The following ADGRL3 variants were observed in gnomAD, a reference collection of about 807,000 sequenced individuals.
ADGRL3 encodes calcium-independent alpha-latrotoxin receptor 3.
Under a neutral mutation model 153.5 loss-of-function variants are expected in ADGRL3, and 62 were observed. The observed-to-expected ratio is 0.40, with a 90% confidence interval of 0.33 to 0.50. The LOEUF is 0.50. Among genes scored for constraint, ADGRL3 ranks in the 20% least tolerant of loss-of-function variants. The pLI, the probability that ADGRL3 is intolerant of heterozygous loss-of-function variation, is 0.47. For synonymous variants in ADGRL3, 710 were observed against 672.5 expected (o/e 1.06, Z -0.86); for missense variants, 1,641 against 1,859.4 (o/e 0.88, Z 2.16).
intron 9 of ADGRL3, among the ~76,000 whole-genome samples, chr4:61,885,217 T>A (rs2098531337): frequency 6.6e-6 from 1 of 151,936 alleles, no homozygotes; most frequent in East Asian, 2.0e-4. Flanking sequence ...TAATCCCAGC[T>A]ACTCAGCAGC....
At chr4:61,610,888 C>T (rs774833565) in intron 5 of ADGRL3, among the ~76,000 whole-genome samples, 7 of 151,376 alleles carry the variant, frequency 4.6e-5, no homozygotes, top group Non-Finnish European at 7.4e-5. Flanking sequence ...TGCATATAAT[C>T]AGCATTAGCA....
At chr4:61,541,346 ATTTTTTTTTTTTT>A (rs3075146) in intron 4 of ADGRL3, among the ~76,000 whole-genome samples, 1 of 103,338 alleles carries the variant, frequency 9.7e-6, no homozygotes, top group Admixed American at 1.1e-4. Context: ...TCTGGTAGAG[ATTTTTTTTTTTTT>A]TTTTTTTTTT....
At chr4:61,471,349 G>T (rs986501033) in intron 2 of ADGRL3, among the ~76,000 whole-genome samples, 1 of 151,208 alleles carries the variant, frequency 6.6e-6, no homozygotes, top group African/African-American at 2.4e-5. Context: ...TTTATTTTTT[G>T]ATAAGTATTA....
chr4:61,433,051 G>A (rs941023361), intron 2 of ADGRL3, among the ~76,000 whole-genome samples: 1 of 151,914 alleles, frequency 6.6e-6, no homozygotes, highest in African/African-American at 2.4e-5. Context: ...CATTCCAGTG[G>A]CCCCTGGGCA....
At chr4:61,703,777 A>G (rs574622978) in intron 6 of ADGRL3, among the ~76,000 whole-genome samples, 4 of 152,198 alleles carry the variant, frequency 2.6e-5, no homozygotes, top group East Asian at 1.9e-4. Context: ...CTATGTCTCT[A>G]TTCTCCAGCA....
intron 17 of ADGRL3, among the ~76,000 whole-genome samples, chr4:61,968,199 C>T (rs1171369510): frequency 2.6e-5 from 4 of 152,126 alleles, no homozygotes; most frequent in South Asian, 2.1e-4. Flanking sequence ...TTAGTAAATA[C>T]GTGAGAAATT....
intron 4 of ADGRL3, among the ~76,000 whole-genome samples, chr4:61,552,053 C>T (rs986469010): frequency 1.3e-5 from 2 of 152,054 alleles, no homozygotes; most frequent in African/African-American, 4.8e-5. Flanking sequence ...TATAACAATA[C>T]CAATTTAGGG....
At chr4:62,024,966 T>C (rs1374235195) in intron 21 of ADGRL3, among the ~76,000 whole-genome samples, 1 of 151,852 alleles carries the variant, frequency 6.6e-6, no homozygotes, top group Non-Finnish European at 1.5e-5. Flanking sequence ...ATGCCTTTTA[T>C]TTTTATTCTT....
At chr4:62,025,326 A>G (rs113612947) in intron 21 of ADGRL3, among the ~76,000 whole-genome samples, 1 of 152,286 alleles carries the variant, frequency 6.6e-6, no homozygotes, top group African/African-American at 2.4e-5. Context: ...TTCTTCCTCC[A>G]CTGCCTGCTA....
In ADGRL3 at chr4:61,813,869, T is replaced by G; in HGVS notation, c.1460T>G (p.Leu487Arg). Residue 487 changes from leucine to arginine, a missense_variant, in exon 9 of 27, where the codon CTA becomes CGA. Leu to Arg is a moderately radical substitution (Grantham distance 102). Transcript: ENST00000683033. ...ISPPIHLDSE[L>R]ERPSVKDIST... is the part of the protein sequence containing the mutation. ...CCGCCAATTCACCTTGACTCTGAGC[T>G]AGAAAGACCCTCTGTTAAAGGTGAG... 1 of 1,587,912 alleles carries G rather than the reference T, an allele frequency of 6.3e-7. No individual in the cohort carries two copies. The highest frequency in any genetic ancestry group is 8.6e-7 in the Non-Finnish European group (1 of 1,156,318).
intron 1 of ADGRL3, among the ~76,000 whole-genome samples, chr4:61,217,855 A>T: frequency 1.3e-5 from 2 of 152,288 alleles, no homozygotes; most frequent in South Asian, 4.1e-4. Context: ...ACGCTGTAGA[A>T]ATAGAGGAGC....
At chr4:61,667,628 T>C (rs1580181313) in intron 5 of ADGRL3, among the ~76,000 whole-genome samples, 2 of 152,186 alleles carry the variant, frequency 1.3e-5, no homozygotes, top group African/African-American at 4.8e-5. Context: ...TGAAAATACA[T>C]TCCAATTTCC....
At chr4:61,499,579 A>T (rs529063305) in intron 3 of ADGRL3, among the ~76,000 whole-genome samples, 1 of 152,320 alleles carries the variant, frequency 6.6e-6, no homozygotes, top group East Asian at 1.9e-4. Flanking sequence ...AGTACAGTGC[A>T]TAGAAAATAT....
At chr4:61,678,942 A>G (rs2095273790) in intron 6 of ADGRL3, among the ~76,000 whole-genome samples, 2 of 152,076 alleles carry the variant, frequency 1.3e-5, no homozygotes, top group Non-Finnish European at 2.9e-5. Context: ...GTGATCATTC[A>G]AAAGGTAGAT....
chr4:61,796,525 G>A (rs2097415019), intron 8 of ADGRL3, among the ~76,000 whole-genome samples: 1 of 152,090 alleles, frequency 6.6e-6, no homozygotes, highest in Non-Finnish European at 1.5e-5. Flanking sequence ...GAGGGGATAG[G>A]GTTGGAGAAT....
At chr4:61,598,808 T>G (rs1001604143) in intron 5 of ADGRL3, among the ~76,000 whole-genome samples, 1 of 152,338 alleles carries the variant, frequency 6.6e-6, no homozygotes, top group East Asian at 1.9e-4. Flanking sequence ...AAGGAATAAA[T>G]GACTATATTT....
chr4:61,888,246 T>G (rs548924827), intron 9 of ADGRL3, among the ~76,000 whole-genome samples: 1 of 152,326 alleles, frequency 6.6e-6, no homozygotes, highest in Non-Finnish European at 1.5e-5. Context: ...CACTCAAACT[T>G]AATTTCTTTT....
intron 21 of ADGRL3, among the ~76,000 whole-genome samples, chr4:62,023,548 C>T (rs981725857): frequency 3.9e-5 from 6 of 152,068 alleles, no homozygotes; most frequent in Non-Finnish European, 7.4e-5. Flanking sequence ...AAGAGTTAAT[C>T]GATGTGGCAA....
chr4:61,598,810 A>G (rs1472330678), intron 5 of ADGRL3, among the ~76,000 whole-genome samples: 1 of 152,182 alleles, frequency 6.6e-6, no homozygotes, highest in East Asian at 1.9e-4. Flanking sequence ...GGAATAAATG[A>G]CTATATTTTA....
Sources: gnomAD v4.1 joint callset for allele counts (sites outside exome capture counted in the v4.1 genomes callset) on GRCh38, gnomAD v4.1.1 for gene constraint, MANE v1.5 for transcripts, NCBI Gene and HGNC (gene_info 2026-07-23, HGNC 2026-07-21) for gene names.